Variants in ITGB4 observed in about 807,000 individuals in gnomAD.
The protein encoded by ITGB4 is integrin subunit beta 4, also known as integrin beta-4.
ITGB4 carries 159 observed loss-of-function variants against 207.6 expected under a neutral mutation model. The ratio of observed to expected loss-of-function variants is 0.77; its 90% CI spans 0.67 to 0.87. ITGB4 has a LOEUF of 0.87. Among genes scored for constraint, ITGB4 ranks in the 40% least tolerant of loss-of-function variants. ITGB4 has a pLI of 0.00. For synonymous variants in ITGB4, 1,020 were observed against 1,062.7 expected (o/e 0.96, Z 0.78); for missense variants, 2,278 against 2,546.8 (o/e 0.89, Z 2.27).
At position 75,727,552 on chromosome 17, in the gene ITGB4, G is replaced by T. The variant is rs2060747945; in HGVS notation, c.264+47G>T. The T allele has an allele frequency of 1.2e-6, 2 of 1,602,076 alleles. No individual in the cohort carries two copies. The highest frequency in any genetic ancestry group is 2.7e-5 in the African/African-American group (2 of 74,722). On this transcript the variant is annotated intron_variant, in intron 4 of 39. Coordinates refer to ENST00000200181, the MANE Select transcript of ITGB4 (RefSeq NM_000213.5). The surrounding 1 kb of genome is among the most constrained non-coding windows in gnomAD (Gnocchi z 6.0). ...GTGGGGGCTCCCCATGCTCAGCCTG[G>T]CTATTTATGGGGGTGTATAGTGCCC...
Position 75,750,035 on chromosome 17 carries a change from T to C in ITGB4, c.3317-76T>C. ...TGCGCTGGGTAGAGCGCCCTGGGTG[T>C]TGAAGTGGGTCTCTGGCGCCCCCTG... On this transcript the variant is annotated intron_variant, in intron 27 of 39. Transcript: ENST00000200181. This position sits in a 1 kb window ranked among gnomAD's most constrained non-coding sequence, Gnocchi z 5.5. 1 of 1,586,704 alleles carries C rather than the reference T, an allele frequency of 6.3e-7. No individual in the cohort carries two copies. The highest frequency in any genetic ancestry group is 8.6e-7 in the Non-Finnish European group (1 of 1,156,392).
intron 5 of ITGB4, 63 bp from the exon 6 acceptor site, chr17:75,728,314 G>T: frequency 7.1e-7 from 1 of 1,407,826 alleles, no homozygotes. Flanking sequence ...CCTTGGTGGG[G>T]GGCCCGTGTT....
At position 75,754,645 on chromosome 17, in the gene ITGB4, C is replaced by T. The variant is rs372323678; in HGVS notation, c.4388C>T (p.Thr1463Met). 16 of 1,613,936 alleles carry T rather than the reference C, an allele frequency of 9.9e-6. No homozygotes were observed. The highest frequency in any genetic ancestry group is 1.7e-5 in the Admixed American group (1 of 60,004). ...ACCAACTCCCTGCACAGGATGACCA[C>T]GACCAGTGCTGCTGCCTATGGCACC... ...GSTNSLHRMT[T>M]TSAAAYGTHL... is the part of the protein sequence containing the mutation. Residue 1463 changes from threonine (T) to methionine (M), a missense_variant, in exon 34 of 40, where the codon ACG becomes ATG. Coordinates refer to ENST00000200181, the MANE Select transcript of ITGB4 (RefSeq NM_000213.5).
rs747790117 is a variant in ITGB4 at position 75,730,468 on chromosome 17, C to A, written c.966C>A (p.Ile322=). 2 of 1,613,924 alleles carry A rather than the reference C, an allele frequency of 1.2e-6. No individual in the cohort carries two copies. Among genetic ancestry groups the A allele is most frequent in the African/African-American group, 2.7e-5 (2 of 74,928 alleles). ...TCGCCAAGCACAACATCATCCCCAT[C>A]TTTGCTGTCACCAACTACTCCTATA... ...RLLAKHNIIP[I]FAVTNYSYSY... The change falls in exon 8 of 40, where the codon ATC becomes ATA. Residue 322 remains isoleucine (I), a synonymous_variant. Coordinates refer to ENST00000200181, the MANE Select transcript of ITGB4 (RefSeq NM_000213.5).
At chr17:75,736,806 C>T (rs1199716593) in intron 16 of ITGB4, 112 bp downstream of exon 16, 2 of 1,196,266 alleles carry the variant, frequency 1.7e-6, no homozygotes, top group Non-Finnish European at 2.4e-6. Flanking sequence ...TAAGGTCACA[C>T]AGTCCGGACA....
chr17:75,753,675 C>T (rs1277067295), intron 32 of ITGB4, 90 bp from the exon 33 acceptor site: 1 of 857,940 alleles, frequency 1.2e-6, no homozygotes, highest in Non-Finnish European at 1.6e-6. Flanking sequence ...AGACGGGCTC[C>T]CCTCGCAGAG....
Position 75,736,599 on chromosome 17 carries a change from G to A in ITGB4, c.1895G>A (p.Cys632Tyr), listed in dbSNP as rs1216450818. Residue 632 changes from cysteine (C) to tyrosine (Y), a missense_variant, in exon 16 of 40, where the codon TGC (cysteine) becomes TAC (tyrosine). Coordinates refer to ENST00000200181, the MANE Select transcript of ITGB4 (RefSeq NM_000213.5). ...GGCCTCTGCGAGGACCTACGCTCCT[G>A]CGTGCAGTGCCAGGCGTGGGGCACC... is the stretch of plus-strand genomic sequence containing the variant. ...HPGLCEDLRS[C>Y]VQCQAWGTGE... The A allele has an allele frequency of 1.2e-6, 2 of 1,602,942 alleles. No individual in the cohort carries two copies. The highest frequency in any genetic ancestry group is 2.2e-5 in the South Asian group (2 of 89,060).
Position 75,750,175 on chromosome 17 carries a change from G to A in ITGB4, c.3381G>A (p.Leu1127=), listed in dbSNP as rs1164231715. 6.2e-7 allele frequency: 1 copy of A among 1,613,870 alleles called. No individual in the cohort carries two copies. Residue 1127 remains leucine, a synonymous_variant, in exon 28 of 40, where the codon CTG becomes CTA. Transcript: ENST00000200181. This position sits in a 1 kb window ranked among gnomAD's most constrained non-coding sequence, Gnocchi z 5.5. Reference sequence around the variant, plus strand: ...CACAGCCACCCCCTCACGGCGACCTGGGCGCCCCGCAGAACCCCAATGCTA... The same window carrying A: ...CACAGCCACCCCCTCACGGCGACCTAGGCGCCCCGCAGAACCCCAATGCTA... The part of the protein sequence containing the change: ...LSSQPPPHGD[L]GAPQNPNAKA...
In ITGB4 at chr17:75,736,167, A is replaced by G; in HGVS notation, c.1761+13A>G. The G allele has an allele frequency of 6.2e-7, 1 of 1,613,376 alleles. No individual in the cohort carries two copies. Among genetic ancestry groups the G allele is most frequent in the Non-Finnish European group, 8.5e-7 (1 of 1,179,284 alleles). On this transcript the variant is annotated intron_variant, in intron 14 of 39. Transcript: ENST00000200181. ...CGACAGCAATGGGGTAGGCCTGGGC[A>G]TAAGACAGACAGTGTCTGTCAGCAC...
rs1338907506 is a variant in ITGB4 at position 75,722,297 on chromosome 17, C to A, written c.-11+685C>A. Among the ~76,000 whole-genome samples, 6 of 152,206 alleles carry A rather than the reference C, an allele frequency of 3.9e-5. No homozygotes were observed. Among genetic ancestry groups the A allele is most frequent in the African/African-American group, 1.4e-4 (6 of 41,450 alleles). On this transcript the variant is annotated intron_variant, in intron 1 of 39. Coordinates refer to ENST00000200181, the MANE Select transcript of ITGB4 (RefSeq NM_000213.5). This position sits in a 1 kb window ranked among gnomAD's most constrained non-coding sequence, Gnocchi z 6.2. Reference sequence around the variant, plus strand: ...ATCCGCCCTCTTTCCCATGGCTCAGCCTCTGGGGTGGCCCTCTGGCTGGGA... The same window carrying A: ...ATCCGCCCTCTTTCCCATGGCTCAGACTCTGGGGTGGCCCTCTGGCTGGGA...
intron 8 of ITGB4, 67 bp downstream of exon 8, chr17:75,730,571 C>T (rs2060830733): frequency 1.3e-6 from 2 of 1,492,110 alleles, no homozygotes. Context: ...TTCTCAGACA[C>T]CTCTCCCTCC....
At chr17:75,757,374 G>A (rs2061542187) in intron 39 of ITGB4, 42 bp from the exon 40 acceptor site, 1 of 1,612,874 alleles carries the variant, frequency 6.2e-7, no homozygotes, top group Non-Finnish European at 8.5e-7. Flanking sequence ...AGGGAGAAGG[G>A]CAGACCCCAA....
At chr17:75,733,891 G>A (rs1002349568) in intron 13 of ITGB4, among the ~76,000 whole-genome samples, 199 bp downstream of exon 13, 40 of 152,108 alleles carry the variant, frequency 2.6e-4, no homozygotes, top group Admixed American at 2.6e-3. Flanking sequence ...CATCTGTAAC[G>A]TCCATGCCCA....
At position 75,755,813 on chromosome 17, in the gene ITGB4, G is replaced by C. The variant is rs1045998959; in HGVS notation, c.4671G>C (p.Leu1557=). The C allele has an allele frequency of 4.4e-6, 7 of 1,608,756 alleles. No individual in the cohort carries two copies. The highest frequency in any genetic ancestry group is 2.2e-5 in the East Asian group (1 of 44,890). Reference sequence around the variant, plus strand: ...AGGAGCCGCGGTGCGAGCGGCCGCTGCAGGGCTACAGTGTGGAGTACCAGC... The same window carrying C: ...AGGAGCCGCGGTGCGAGCGGCCGCTCCAGGGCTACAGTGTGGAGTACCAGC... ...SWQEPRCERP[L]QGYSVEYQLL... Residue 1557 remains leucine (L), a synonymous_variant, in exon 35 of 40, where the codon CTG becomes CTC. Transcript: ENST00000200181.
At position 75,733,627 on chromosome 17, in the gene ITGB4, A is replaced by ACG; in HGVS notation, c.1593_1594dup (p.Glu532AlafsTer238). The ACG allele has an allele frequency of 6.2e-7, 1 of 1,614,210 alleles. No homozygotes were observed. Among genetic ancestry groups the ACG allele is most frequent in the Non-Finnish European group, 8.5e-7 (1 of 1,180,044 alleles). ...TGTGTGTGCTACGGCGAAGGCCGCT[A>ACG]CGAGGGTCAGTTCTGCGAGTATGAC... On this transcript the variant is annotated frameshift_variant, in exon 13 of 40. Transcript: ENST00000200181. LOFTEE classifies it high-confidence loss of function.
chr17:75,737,618 T>C lies in ITGB4; in HGVS notation c.2194T>C (p.Cys732Arg). 1.2e-6 allele frequency: 2 copies of C among 1,613,444 alleles called. No homozygotes were observed. The highest frequency in any genetic ancestry group is 2.2e-5 in the East Asian group (1 of 44,864). The change falls in exon 18 of 40, where the codon TGC (cysteine) becomes CGC (arginine). Residue 732 changes from cysteine to arginine, a missense_variant. Transcript: ENST00000200181. ...LPLLALLLLL[C>R]WKYCACCKAC... ...GCTCCTGGCCCTGCTACTGCTGCTA[T>C]GCTGGAAGTACTGTGCCTGCTGCAA...
chr17:75,748,128 A>G (rs931709618), intron 26 of ITGB4, among the ~76,000 whole-genome samples: 15 of 143,690 alleles, frequency 1.0e-4, no homozygotes. Context: ...TGGGAGGCCA[A>G]GGTGGGCGGA....
At chr17:75,754,929 CGCATGCACACAT>C (rs1170057316) in intron 34 of ITGB4, 114 bp downstream of exon 34, 185 of 1,535,536 alleles carry the variant, frequency 1.2e-4, no homozygotes, top group Middle Eastern at 3.4e-4. Flanking sequence ...CATACACACA[CGCATGCACACAT>C]GCACGCACAC....
Position 75,756,787 on chromosome 17 carries a change from T to G in ITGB4, c.4981T>G (p.Trp1661Gly). ...GAGCCCAGACTCGCTGCAGCTGAGCTGGGAGCGGCCACGGAGGCCCAATGG... is the reference window on the plus strand; with the variant it reads ...GAGCCCAGACTCGCTGCAGCTGAGCGGGGAGCGGCCACGGAGGCCCAATGG... ...ALSPDSLQLS[W>G]ERPRRPNGDI... Residue 1661 changes from tryptophan (W) to glycine (G), a missense_variant, in exon 37 of 40, where the codon TGG (tryptophan) becomes GGG (glycine). Physicochemically the swap from Trp to Gly is radical, Grantham distance 184. Transcript: ENST00000200181. 1 of 1,612,730 alleles carries G rather than the reference T, an allele frequency of 6.2e-7. No individual in the cohort carries two copies. Among genetic ancestry groups the G allele is most frequent in the African/African-American group, 1.3e-5 (1 of 75,040 alleles).
Sources: gnomAD v4.1 joint callset for allele counts (sites outside exome capture counted in the v4.1 genomes callset) on GRCh38, gnomAD v4.1.1 for gene constraint, Gnocchi (gnomAD v3.1) non-coding constraint, MANE v1.5 for transcripts, NCBI Gene and HGNC (gene_info 2026-07-23, HGNC 2026-07-21) for gene names.